Variants in MED27 observed in about 807,000 individuals in gnomAD.
MED27 encodes mediator complex subunit 27.
A neutral mutation model predicts 38.2 loss-of-function variants in MED27; 30 were observed. The ratio of observed to expected loss-of-function variants is 0.79; its 90% CI spans 0.59 to 1.07. The LOEUF (loss-of-function observed/expected upper bound fraction) is 1.07, where lower values mean the gene tolerates loss of function less well. Ranked by LOEUF, MED27 falls within the 50% of genes least tolerant of loss-of-function variation. The pLI is 0.00. For synonymous variants in MED27, 122 were observed against 153.5 expected, an observed-to-expected ratio of 0.79 and a Z score of 1.52; for missense variants, 289 against 397.5, an observed-to-expected ratio of 0.73 and a Z score of 2.32.
intron 3 of MED27, among the ~76,000 whole-genome samples, chr9:132,009,670 G>A (rs1281176833): frequency 6.6e-6 from 1 of 152,182 alleles, no homozygotes; most frequent in East Asian, 1.9e-4. Context: ...CCTTACAAGA[G>A]GCTCTGAGCC....
intron 2 of MED27, among the ~76,000 whole-genome samples, chr9:132,038,594 A>G (rs1310124142): frequency 6.6e-6 from 1 of 152,224 alleles, no homozygotes; most frequent in Non-Finnish European, 1.5e-5. Context: ...ATATTAGAAG[A>G]TAGAACATGT....
At chr9:132,078,199 C>T (rs1834097247) in intron 1 of MED27, among the ~76,000 whole-genome samples, 1 of 152,280 alleles carries the variant, frequency 6.6e-6, no homozygotes, top group African/African-American at 2.4e-5. Context: ...AACAAGAGCA[C>T]ATTCCAGGAG....
intron 4 of MED27, among the ~76,000 whole-genome samples, chr9:131,910,881 C>T (rs960901542): frequency 6.6e-6 from 1 of 152,148 alleles, no homozygotes; most frequent in Non-Finnish European, 1.5e-5. Context: ...GAAAATAATA[C>T]AAACCAGCAG....
intron 2 of MED27, among the ~76,000 whole-genome samples, chr9:132,053,818 A>C (rs1833516336): frequency 6.6e-6 from 1 of 152,202 alleles, no homozygotes; most frequent in Admixed American, 6.5e-5. Context: ...CCTGGTGAGT[A>C]CCAGGTGATT....
Position 132,020,783 on chromosome 9 carries a change from C to G in MED27, c.349-6316G>C, listed in dbSNP as rs536929513. Among the ~76,000 whole-genome samples the G allele has an allele frequency of 2.0e-5, 3 of 152,304 alleles. No individual in the cohort carries two copies. The East Asian group carries it at 5.8e-4, about 29-fold the overall frequency. On this transcript the variant is annotated intron_variant, in intron 2 of 7. Transcript: ENST00000292035. ...CTAATTGTTTTGCTTGGGTTTTAAT[C>G]TAAATATCAGATGATGATATTAGCT...
chr9:132,038,801 CAG>C (rs1198701564), intron 2 of MED27, among the ~76,000 whole-genome samples: 1 of 152,036 alleles, frequency 6.6e-6, no homozygotes, highest in Non-Finnish European at 1.5e-5. Flanking sequence ...CAGCAGGAGA[CAG>C]GGAAGAAGGA....
chr9:131,867,974 G>A (rs750143651), intron 6 of MED27, among the ~76,000 whole-genome samples: 5 of 152,186 alleles, frequency 3.3e-5, no homozygotes, highest in Non-Finnish European at 7.3e-5. Flanking sequence ...AGAGGGCTGG[G>A]CATTTGATTC....
At chr9:132,050,434 C>G (rs1167078217) in intron 2 of MED27, among the ~76,000 whole-genome samples, 1 of 152,208 alleles carries the variant, frequency 6.6e-6, no homozygotes, top group African/African-American at 2.4e-5. Context: ...CGTGGGAAGA[C>G]AGCCCACTGC....
rs1396299954 is a variant in MED27, at chr9:131,982,943, T to C, written c.479+31394A>G. On this transcript the variant is annotated intron_variant, in intron 3 of 7. Coordinates refer to ENST00000292035, the MANE Select transcript of MED27 (RefSeq NM_004269.4). This position sits in a 1 kb window ranked among gnomAD's most constrained non-coding sequence, Gnocchi z 4.3. ...CTAGTCAATGTTTTTCCAACTGTAA[T>C]GATATTCACCACCTGAGGATTTTGT... Among the ~76,000 whole-genome samples, 1 of 152,222 alleles carries C rather than the reference T, an allele frequency of 6.6e-6. No homozygotes were observed. The highest frequency in any genetic ancestry group is 1.5e-5 in the Non-Finnish European group (1 of 68,042).
intron 2 of MED27, among the ~76,000 whole-genome samples, chr9:132,046,276 A>G (rs1833334954): frequency 6.6e-6 from 1 of 152,190 alleles, no homozygotes; most frequent in Admixed American, 6.5e-5. Flanking sequence ...AGTAAAGATG[A>G]AAGTAGTTTT....
intron 3 of MED27, among the ~76,000 whole-genome samples, chr9:131,983,385 A>C (rs2131030908): frequency 6.6e-6 from 1 of 152,344 alleles, no homozygotes; most frequent in South Asian, 2.1e-4. Flanking sequence ...CTGCCAAGCA[A>C]ACTTTCTCAG....
intron 4 of MED27, among the ~76,000 whole-genome samples, chr9:131,921,766 G>A (rs1830396131): frequency 6.6e-6 from 1 of 152,144 alleles, no homozygotes; most frequent in African/African-American, 2.4e-5. Flanking sequence ...CAAAGACTTG[G>A]AACCAACCCA....
At chr9:132,065,187 T>C (rs1452180071) in intron 2 of MED27, among the ~76,000 whole-genome samples, 1 of 152,192 alleles carries the variant, frequency 6.6e-6, no homozygotes, top group African/African-American at 2.4e-5. Flanking sequence ...GTTCAAAATC[T>C]ACAGATTCTC....
chr9:132,001,553 A>G (rs3923681), intron 3 of MED27, among the ~76,000 whole-genome samples: 87,673 of 152,024 alleles, frequency 0.58, 27,021 homozygotes, highest in Non-Finnish European at 0.68. Context: ...AAGAAAAAAA[A>G]CAAAAAAATC....
chr9:132,013,015 T>C (rs1467066360), intron 3 of MED27, among the ~76,000 whole-genome samples: 3 of 152,178 alleles, frequency 2.0e-5, no homozygotes, highest in Admixed American at 2.0e-4. Flanking sequence ...GAGGATGTAA[T>C]CAGAAGAAGG....
chr9:131,914,674 G>T (rs1422001099), intron 4 of MED27, among the ~76,000 whole-genome samples: 1 of 152,166 alleles, frequency 6.6e-6, no homozygotes, highest in Non-Finnish European at 1.5e-5. Flanking sequence ...GATGTCTCTT[G>T]GTGCAATGGG....
chr9:131,920,637 G>A (rs1589212733), intron 4 of MED27, among the ~76,000 whole-genome samples: 1 of 152,198 alleles, frequency 6.6e-6, no homozygotes, highest in Admixed American at 6.5e-5. Context: ...GAAAATAAAG[G>A]CTGTTAAGGA....
chr9:132,068,726 T>C (rs1246686914), intron 2 of MED27, among the ~76,000 whole-genome samples: 1 of 151,778 alleles, frequency 6.6e-6, no homozygotes, highest in Non-Finnish European at 1.5e-5. Flanking sequence ...ATTTCAGTTC[T>C]GGACTGCTTC....
At chr9:132,050,387 T>C (rs902474239) in intron 2 of MED27, among the ~76,000 whole-genome samples, 6 of 152,112 alleles carry the variant, frequency 3.9e-5, no homozygotes, top group African/African-American at 9.7e-5. Flanking sequence ...GGAGGACGCT[T>C]GTCCACGGGA....
Sources: gnomAD v4.1 joint callset for allele counts (sites outside exome capture counted in the v4.1 genomes callset) on GRCh38, gnomAD v4.1.1 for gene constraint, Gnocchi (gnomAD v3.1) non-coding constraint, MANE v1.5 for transcripts, NCBI Gene and HGNC (gene_info 2026-07-23, HGNC 2026-07-21) for gene names.